The following SLC13A3 variants were observed in gnomAD, a reference collection of about 807,000 sequenced individuals.
SLC13A3 encodes Na(+)/dicarboxylate cotransporter 3.
A neutral mutation model predicts 59.0 loss-of-function variants in SLC13A3; 40 were observed. The observed-to-expected ratio is 0.68, with a 90% CI of 0.53 to 0.88. The LOEUF is 0.88. Among genes scored for constraint, SLC13A3 ranks in the 40% least tolerant of loss-of-function variants. The pLI, the probability that SLC13A3 is intolerant of heterozygous loss-of-function variation, is 0.00. For missense variants in SLC13A3, 699 were observed against 783.2 expected (o/e 0.89, Z 1.28); for synonymous variants, 317 against 330.3 (o/e 0.96, Z 0.44).
At chr20:46,658,400 T>C (rs1489228816) in intron 1 of SLC13A3, among the ~76,000 whole-genome samples, 1 of 152,200 alleles carries the variant, frequency 6.6e-6, no homozygotes, top group Non-Finnish European at 1.5e-5. Context: ...GGGTGATAGA[T>C]GTGTTCTGCT....
intron 9 of SLC13A3, among the ~76,000 whole-genome samples, chr20:46,576,160 G>A (rs2062074192): frequency 6.6e-6 from 1 of 151,988 alleles, no homozygotes; most frequent in African/African-American, 2.4e-5. Context: ...ACAGTGGGCG[G>A]GGGAGTCAAC....
At chr20:46,593,010 G>A (rs1388633163) in intron 5 of SLC13A3, among the ~76,000 whole-genome samples, 1 of 152,216 alleles carries the variant, frequency 6.6e-6, no homozygotes, top group Non-Finnish European at 1.5e-5. Context: ...ACATCTGCAG[G>A]CTGAAACCTT....
At chr20:46,599,253 T>C (rs73908937) in intron 4 of SLC13A3, among the ~76,000 whole-genome samples, 3,621 of 152,348 alleles carry the variant, frequency 0.024, 132 homozygotes, top group African/African-American at 0.082. Context: ...TAAATATTAG[T>C]GAATGAATGA....
chr20:46,599,597 T>C (rs2062352213), intron 4 of SLC13A3, among the ~76,000 whole-genome samples: 1 of 151,884 alleles, frequency 6.6e-6, no homozygotes, highest in Non-Finnish European at 1.5e-5. Context: ...GTTATTGTTT[T>C]ATAAGGAATT....
At chr20:46,683,812 C>T (rs1052937542) in intron 1 of SLC13A3, among the ~76,000 whole-genome samples, 3 of 152,160 alleles carry the variant, frequency 2.0e-5, no homozygotes, top group African/African-American at 7.2e-5. Context: ...CTGCCAGGTC[C>T]TGTGCCAAGC....
At chr20:46,573,944 A>T (rs1412929813) in intron 10 of SLC13A3, among the ~76,000 whole-genome samples, 2 of 152,128 alleles carry the variant, frequency 1.3e-5, no homozygotes, top group South Asian at 2.1e-4. Context: ...TTTCAGATTG[A>T]CTCTTAATTG....
chr20:46,581,690 T>C (rs538673029), intron 9 of SLC13A3, among the ~76,000 whole-genome samples: 4 of 152,018 alleles, frequency 2.6e-5, no homozygotes, highest in South Asian at 4.1e-4. Context: ...CCACAGGGAA[T>C]AGAAAACATG....
chr20:46,626,548 G>T (rs900074759), intron 1 of SLC13A3, among the ~76,000 whole-genome samples: 1 of 152,156 alleles, frequency 6.6e-6, no homozygotes, highest in East Asian at 1.9e-4. Flanking sequence ...TTGCTGGAGA[G>T]GGACTGGAGC....
chr20:46,675,749 T>A (rs2063121208), intron 1 of SLC13A3, among the ~76,000 whole-genome samples: 2 of 151,874 alleles, frequency 1.3e-5, no homozygotes, highest in Non-Finnish European at 2.9e-5. Flanking sequence ...GCCTGGCAGA[T>A]CTGAACTGAG....
chr20:46,657,428 T>G (rs1487515981), intron 1 of SLC13A3, among the ~76,000 whole-genome samples: 2 of 152,124 alleles, frequency 1.3e-5, no homozygotes, highest in African/African-American at 4.8e-5. Flanking sequence ...AACAAGTGAC[T>G]TTCGTTTGGA....
At chr20:46,679,187 C>A (rs907334641) in intron 1 of SLC13A3, among the ~76,000 whole-genome samples, 1 of 152,204 alleles carries the variant, frequency 6.6e-6, no homozygotes, top group African/African-American at 2.4e-5. Context: ...TAATCAGGAA[C>A]CGATCTGACC....
At chr20:46,584,976 A>C (rs2062176981) in intron 8 of SLC13A3, 1 of 219,132 alleles carries the variant, frequency 4.6e-6, no homozygotes, top group African/African-American at 2.3e-5. Context: ...ATTGACATAG[A>C]AACACAACCA....
In SLC13A3 at chr20:46,613,551, C is replaced by A; in HGVS notation, c.286G>T (p.Gly96Trp). The A allele has an allele frequency of 6.2e-7, 1 of 1,614,110 alleles. No individual in the cohort carries two copies. The highest frequency in any genetic ancestry group is 2.2e-5 in the East Asian group (1 of 44,870). The change falls in exon 2 of 13, where the codon GGG (glycine) becomes TGG (tryptophan). Residue 96 changes from glycine (G) to tryptophan (W), a missense_variant. Coordinates refer to ENST00000279027, the MANE Select transcript of SLC13A3 (RefSeq NM_022829.6). ...TCAATGGCGCTGGCCATGATCAGCC[C>A]ACTGAGGAAGAGGAAGTTGGTGTCG... is the stretch of plus-strand genomic sequence containing the variant. Reference protein sequence around the residue: ...FLDTNFLFLSGLIMASAIEEW... With the variant: ...FLDTNFLFLSWLIMASAIEEW...
intron 1 of SLC13A3, among the ~76,000 whole-genome samples, chr20:46,643,524 C>T (rs1433302105): frequency 4.6e-5 from 7 of 152,098 alleles, no homozygotes; most frequent in African/African-American, 7.2e-5. Flanking sequence ...AAAGCCAGAG[C>T]GCTGGGAGCA....
chr20:46,598,287 C>A (rs927767296), intron 4 of SLC13A3, among the ~76,000 whole-genome samples: 4 of 152,202 alleles, frequency 2.6e-5, no homozygotes, highest in African/African-American at 7.2e-5. Context: ...GTGGAAACTA[C>A]CGTCATGGTC....
intron 3 of SLC13A3, among the ~76,000 whole-genome samples, chr20:46,609,821 A>C (rs1469037784): frequency 6.6e-6 from 1 of 152,196 alleles, no homozygotes; most frequent in Non-Finnish European, 1.5e-5. Flanking sequence ...CACCACAGAG[A>C]GCGCTACAGT....
At chr20:46,645,591 A>T (rs149092247) in intron 1 of SLC13A3, among the ~76,000 whole-genome samples, 1 of 152,324 alleles carries the variant, frequency 6.6e-6, no homozygotes, top group East Asian at 1.9e-4. Flanking sequence ...TGGAACAATG[A>T]GGTTACCTCC....
chr20:46,677,324 T>G (rs1252490732), intron 1 of SLC13A3, among the ~76,000 whole-genome samples: 1 of 152,134 alleles, frequency 6.6e-6, no homozygotes, highest in African/African-American at 2.4e-5. Context: ...AGCATCAAGC[T>G]CAAGAAATAG....
At chr20:46,624,919 G>C (rs1053254896) in intron 1 of SLC13A3, among the ~76,000 whole-genome samples, 3 of 152,180 alleles carry the variant, frequency 2.0e-5, no homozygotes, top group Admixed American at 1.3e-4. Flanking sequence ...AGGAACTAGA[G>C]GGGGAGCAGC....
Sources: gnomAD v4.1 joint callset for allele counts (sites outside exome capture counted in the v4.1 genomes callset) on GRCh38, gnomAD v4.1.1 for gene constraint, MANE v1.5 for transcripts, NCBI Gene and HGNC (gene_info 2026-07-23, HGNC 2026-07-21) for gene names.